The following DYNC1H1 variants were observed in gnomAD, a reference collection of about 807,000 sequenced individuals.
DYNC1H1 encodes cytoplasmic dynein 1 heavy chain 1.
A neutral mutation model predicts 527.1 loss-of-function variants in DYNC1H1; 51 were observed. The ratio of observed to expected loss-of-function variants is 0.10; its 90% CI spans 0.08 to 0.12. The LOEUF is 0.12. DYNC1H1 is among the 10% of genes least tolerant of loss of function. DYNC1H1 has a pLI of 1.00. For synonymous variants in DYNC1H1, 2,189 were observed against 2,278.8 expected, an observed-to-expected ratio of 0.96 and a Z score of 1.12; for missense variants, 2,771 against 5,971.8, an observed-to-expected ratio of 0.46 and a Z score of 17.66.
intron 9 of DYNC1H1, 48 bp from the exon 10 acceptor site, chr14:101,988,655 G>A (rs1190768079): frequency 1.2e-6 from 2 of 1,613,134 alleles, no homozygotes; most frequent in Non-Finnish European, 1.7e-6. Flanking sequence ...TGCTTTGTGA[G>A]CTAACTTTTA....
chr14:101,989,649 A>T (rs1298011089), intron 10 of DYNC1H1, among the ~76,000 whole-genome samples: 1 of 152,174 alleles, frequency 6.6e-6, no homozygotes, highest in East Asian at 1.9e-4. Flanking sequence ...TCCCCTACCT[A>T]CACTTTACCT....
chr14:101,968,695 G>A (rs1472300991), intron 1 of DYNC1H1, among the ~76,000 whole-genome samples: 1 of 151,420 alleles, frequency 6.6e-6, no homozygotes, highest in Non-Finnish European at 1.5e-5. Flanking sequence ...CTGAGTAGCT[G>A]GGATTACAGG....
intron 1 of DYNC1H1, among the ~76,000 whole-genome samples, chr14:101,972,756 T>C (rs2047754318): frequency 6.6e-6 from 1 of 152,256 alleles, no homozygotes; most frequent in Non-Finnish European, 1.5e-5. Flanking sequence ...ATATTTTTAG[T>C]TGCGTCAGTG....
Position 102,001,090 on chromosome 14 carries a change from T to C in DYNC1H1, c.4185+26T>C. ...GTAGGTGGCCAGTATCGCACGGTGA[T>C]GAGTGTCCATTAGAAACGCACCTGC... On this transcript the variant is annotated intron_variant, in intron 19 of 77. Transcript: ENST00000360184. This position sits in a 1 kb window ranked among gnomAD's most constrained non-coding sequence, Gnocchi z 5.0. The C allele has an allele frequency of 6.2e-7, 1 of 1,613,950 alleles. No individual in the cohort carries two copies. The highest frequency in any genetic ancestry group is 1.1e-5 in the South Asian group (1 of 91,084).
chr14:102,000,643 C>T lies in DYNC1H1; in HGVS notation c.4074+244C>T, dbSNP rs187714548. ...AGGCTGGAGTGCAATGGCATGATCT[C>T]GGCTCACTGCAACCTCCGCCTCCCG... On this transcript the variant is annotated intron_variant, in intron 18 of 77. Coordinates refer to ENST00000360184, the MANE Select transcript of DYNC1H1 (RefSeq NM_001376.5). 157 of 497,782 alleles carry T rather than the reference C, an allele frequency of 3.2e-4. No homozygotes were observed. In the East Asian group the frequency reaches 5.9e-3, roughly 19 times the overall value. The allele number at this position is 497,782 out of a possible 1,614,324, so 30.8% of individuals were successfully genotyped here.
rs187026985 is a variant in DYNC1H1, at chr14:101,990,410, C to G, written c.2869-1117C>G. ...GTGTTCAATCCCTGGGCACCAGGGA[C>G]CCAGGAGAAGGTGAAGCAGCACCTG... On this transcript the variant is annotated intron_variant, in intron 10 of 77. Transcript: ENST00000360184. Among the ~76,000 whole-genome samples, 10 of 152,226 alleles carry G rather than the reference C, an allele frequency of 6.6e-5. No homozygotes were observed. In the East Asian group the frequency reaches 1.4e-3, roughly 21 times the overall value.
intron 43 of DYNC1H1, 36 bp downstream of exon 43, chr14:102,022,916 T>C (rs376303305): frequency 6.7e-5 from 108 of 1,613,784 alleles, no homozygotes; most frequent in Admixed American, 1.8e-4. Context: ...ATACTTCTTT[T>C]TCTGCCATCC....
At position 101,986,756 on chromosome 14, in the gene DYNC1H1, A is replaced by G. The variant is rs1354581545; in HGVS notation, c.2531A>G (p.Gln844Arg). The G allele has an allele frequency of 6.2e-7, 1 of 1,614,106 alleles. No individual in the cohort carries two copies. The highest frequency in any genetic ancestry group is 1.3e-5 in the African/African-American group (1 of 74,938). Residue 844 changes from glutamine to arginine, a missense_variant, in exon 8 of 78, where the codon CAA (glutamine) becomes CGA (arginine). Gln to Arg is a conservative substitution (Grantham distance 43, BLOSUM62 1). Coordinates refer to ENST00000360184, the MANE Select transcript of DYNC1H1 (RefSeq NM_001376.5). The surrounding 1 kb of genome is among the most constrained non-coding windows in gnomAD (Gnocchi z 8.7). The stretch of plus-strand genomic sequence containing the variant: ...TTAGCAGAGACTGTCTTCAACTTCC[A>G]AGAAAAGGTATGCTCTCATGTAATC... ...QRLAETVFNF[Q>R]EKVDDLLIIE...
At position 102,029,135 on chromosome 14, in the gene DYNC1H1, T is replaced by C. The variant is rs965152115; in HGVS notation, c.9469-404T>C. The C allele has an allele frequency of 1.5e-5, 4 of 275,392 alleles. No individual in the cohort carries two copies. Among genetic ancestry groups the C allele is most frequent in the African/African-American group, 8.9e-5 (4 of 45,000 alleles). 17.1% of individuals were successfully genotyped at this position (275,392 alleles called of 1,614,324 possible). A position where few individuals can be genotyped will look rare whatever the true frequency, so the allele number is the denominator to read the frequency against. Reference sequence around the variant, plus strand: ...GCCCTGGCTTCCCCTGGTAGTCTGATCATCTTGCTGTGCTTCAGAAATCAA... The same window carrying C: ...GCCCTGGCTTCCCCTGGTAGTCTGACCATCTTGCTGTGCTTCAGAAATCAA... On this transcript the variant is annotated intron_variant, in intron 48 of 77. Transcript: ENST00000360184. The surrounding 1 kb of genome is among the most constrained non-coding windows in gnomAD (Gnocchi z 5.3).
Position 101,992,620 on chromosome 14 carries a change from C to T in DYNC1H1, c.3015+947C>T, listed in dbSNP as rs17540867. 3.0e-3 allele frequency among the ~76,000 whole-genome samples: 452 copies of T among 152,272 alleles called. 4 individuals carry two copies. Among genetic ancestry groups the T allele is most frequent in the African/African-American group, 0.01 (429 of 41,548 alleles). On this transcript the variant is annotated intron_variant, in intron 11 of 77. Transcript: ENST00000360184. ...TCTGGGTCTTCTTTCAGCACCTAAA[C>T]GGGACCCCATGTCCCCTGCAATCTT... is the stretch of plus-strand genomic sequence containing the variant.
Position 102,005,322 on chromosome 14 carries a change from G to T in DYNC1H1, c.5433+86G>T. ...TTAAATGGAAATCATGCTTGAAAAA[G>T]GTTTCAGGTAGTATCAAGGAGAACA... On this transcript the variant is annotated intron_variant, in intron 26 of 77. Coordinates refer to ENST00000360184, the MANE Select transcript of DYNC1H1 (RefSeq NM_001376.5). The surrounding 1 kb of genome is among the most constrained non-coding windows in gnomAD (Gnocchi z 4.0). 2 of 1,566,908 alleles carry T rather than the reference G, an allele frequency of 1.3e-6. No individual in the cohort carries two copies. Among genetic ancestry groups the T allele is most frequent in the Non-Finnish European group, 1.8e-6 (2 of 1,142,832 alleles).
At position 102,008,335 on chromosome 14, in the gene DYNC1H1, A is replaced by C; in HGVS notation, c.5975A>C (p.Lys1992Thr). 1 of 1,614,134 alleles carries C rather than the reference A, an allele frequency of 6.2e-7. No homozygotes were observed. The highest frequency in any genetic ancestry group is 1.1e-5 in the South Asian group (1 of 91,078). Residue 1992 changes from lysine to threonine, a missense_variant and splice_region_variant, in exon 29 of 78, where the codon AAG becomes ACG. Coordinates refer to ENST00000360184, the MANE Select transcript of DYNC1H1 (RefSeq NM_001376.5). ...LREHSNPNYD[K>T]TSAPITCELL... ...GAACATTCCAACCCCAACTACGACA[A>C]GAGTAAGACACCTCTTCTTCAAAAA...
Position 102,044,886 on chromosome 14 carries a change from T to C in DYNC1H1, c.13006+188T>C. 1 of 652,028 alleles carries C rather than the reference T, an allele frequency of 1.5e-6. No individual in the cohort carries two copies. Among genetic ancestry groups the C allele is most frequent in the South Asian group, 1.8e-5 (1 of 54,398 alleles). 40.4% of individuals were successfully genotyped at this position (652,028 alleles called of 1,614,324 possible). ...AGTCTCCAGCTGCTCCTAGCTCCAC[T>C]CCGAGGGGAGGCAGAGGAAAGAACT... is the stretch of plus-strand genomic sequence containing the variant. On this transcript the variant is annotated intron_variant, in intron 72 of 77. Transcript: ENST00000360184. This position sits in a 1 kb window ranked among gnomAD's most constrained non-coding sequence, Gnocchi z 7.1.
chr14:101,968,213 T>C (rs546274977), intron 1 of DYNC1H1, among the ~76,000 whole-genome samples: 5 of 152,324 alleles, frequency 3.3e-5, no homozygotes, highest in African/African-American at 1.2e-4. Context: ...TGCCTGGGAT[T>C]GGCTGCTAGG....
chr14:102,040,879 A>T (rs2048641241), intron 64 of DYNC1H1: 4 of 633,890 alleles, frequency 6.3e-6, no homozygotes, highest in Admixed American at 2.4e-5. Context: ...AGGTCACTTG[A>T]GCCTGGGAGG....
Position 102,029,658 on chromosome 14 carries a change from G to A in DYNC1H1, c.9588G>A (p.Glu3196=). The part of the protein sequence containing the change: ...LFHEKRSELE[E]QQMHLNVGLR... ...ACGAGAAGCGGAGCGAGCTGGAGGA[G>A]CAGCAGATGCACTTGAACGTGGGGC... The change falls in exon 49 of 78, where the codon GAG becomes GAA. Residue 3196 remains glutamate (E), a synonymous_variant. Coordinates refer to ENST00000360184, the MANE Select transcript of DYNC1H1 (RefSeq NM_001376.5). The surrounding 1 kb of genome is among the most constrained non-coding windows in gnomAD (Gnocchi z 5.3). 4 of 1,614,258 alleles carry A rather than the reference G, an allele frequency of 2.5e-6. No homozygotes were observed. The highest frequency in any genetic ancestry group is 3.4e-6 in the Non-Finnish European group (4 of 1,180,050).
chr14:102,047,772 C>T (rs748383405), intron 72 of DYNC1H1, 45 bp from the exon 73 acceptor site: 56 of 1,609,276 alleles, frequency 3.5e-5, no homozygotes, highest in East Asian at 2.2e-4. Context: ...ATTTCTTGCC[C>T]GTCCCCTCCC....
rs1055735711 is a variant in DYNC1H1 at position 102,002,184 on chromosome 14, C to A, written c.4543-353C>A. On this transcript the variant is annotated intron_variant, in intron 21 of 77. Transcript: ENST00000360184. This position sits in a 1 kb window ranked among gnomAD's most constrained non-coding sequence, Gnocchi z 4.4. ...GGAGTGCAATGGCACGATCTCGGCT[C>A]ACTGCAACCTCTGCCTCCCGGGTTG... Among the ~76,000 whole-genome samples the A allele has an allele frequency of 6.6e-6, 1 of 151,660 alleles. No homozygotes were observed. Among genetic ancestry groups the A allele is most frequent in the Non-Finnish European group, 1.5e-5 (1 of 67,958 alleles).
chr14:101,995,803 G>A (rs1207005484), intron 15 of DYNC1H1, among the ~76,000 whole-genome samples: 1 of 152,186 alleles, frequency 6.6e-6, no homozygotes. Context: ...GCTCATGCCT[G>A]TAATCCCAGA....
Sources: gnomAD v4.1 joint callset for allele counts (sites outside exome capture counted in the v4.1 genomes callset) on GRCh38, gnomAD v4.1.1 for gene constraint, Gnocchi (gnomAD v3.1) non-coding constraint, MANE v1.5 for transcripts, NCBI Gene and HGNC (gene_info 2026-07-23, HGNC 2026-07-21) for gene names.